Variants in LAMA2 observed in about 807,000 individuals in gnomAD.
The protein encoded by LAMA2 is laminin subunit alpha 2.
LAMA2 carries 269 observed loss-of-function variants against 364.8 expected under a neutral mutation model. That is an observed-to-expected ratio of 0.74 (90% CI 0.67 to 0.82). LAMA2 has a LOEUF of 0.82. Ranked by LOEUF, LAMA2 falls within the 40% of genes least tolerant of loss-of-function variation. The probability of loss-of-function intolerance (pLI) is 0.00; values close to 1 mark genes in which losing one functional copy is unlikely to be tolerated. For synonymous variants in LAMA2, 1,379 were observed against 1,370.6 expected, an observed-to-expected ratio of 1.01 and a Z score of -0.14; for missense variants, 3,807 against 3,873.2, an observed-to-expected ratio of 0.98 and a Z score of 0.45.
intron 12 of LAMA2, among the ~76,000 whole-genome samples, chr6:129,245,763 C>T (rs182807462): frequency 7.6e-4 from 115 of 152,174 alleles, no homozygotes; most frequent in African/African-American, 2.5e-3. Context: ...CTTTAGTCTT[C>T]TTACTAGTCA....
At chr6:129,227,058 C>T (rs947481411) in intron 12 of LAMA2, among the ~76,000 whole-genome samples, 2 of 152,172 alleles carry the variant, frequency 1.3e-5, no homozygotes, top group Admixed American at 6.5e-5. Context: ...CTAAACTTCT[C>T]TTCTCACTTC....
At chr6:129,149,815 A>G (rs1048775750) in intron 7 of LAMA2, among the ~76,000 whole-genome samples, 2 of 152,186 alleles carry the variant, frequency 1.3e-5, no homozygotes, top group Admixed American at 1.3e-4. Flanking sequence ...CCTAAGCAAT[A>G]TAACAACTAT....
At chr6:129,397,938 GAAA>G (rs58131786) in intron 37 of LAMA2, among the ~76,000 whole-genome samples, 75 of 103,500 alleles carry the variant, frequency 7.2e-4, no homozygotes, top group Non-Finnish European at 9.4e-4. Flanking sequence ...CTCCGTCTCA[GAAA>G]AAAAAAAAAA....
At chr6:129,198,621 C>T (rs753969441) in intron 12 of LAMA2, among the ~76,000 whole-genome samples, 16 of 152,064 alleles carry the variant, frequency 1.1e-4, no homozygotes, top group South Asian at 2.1e-4. Context: ...TCAAGCAAAA[C>T]GTGGGTAAAA....
rs182839205 is a variant in LAMA2 at position 129,097,851 on chromosome 6, T to C, written c.397-322T>C. 2.1e-3 allele frequency among the ~76,000 whole-genome samples: 318 copies of C among 152,318 alleles called. 1 individual carries two copies. Among genetic ancestry groups the C allele is most frequent in the African/African-American group, 7.3e-3 (304 of 41,568 alleles). On this transcript the variant is annotated intron_variant, in intron 3 of 64. Transcript: ENST00000421865. ...TAACACAGTAAGGTGAGTAAATTGGTATGTACTATTAATAAATGTTTTAGG... is the reference window on the plus strand; with the variant it reads ...TAACACAGTAAGGTGAGTAAATTGGCATGTACTATTAATAAATGTTTTAGG...
intron 1 of LAMA2, among the ~76,000 whole-genome samples, chr6:129,039,318 G>A (rs1467106887): frequency 1.3e-5 from 2 of 152,154 alleles, no homozygotes; most frequent in Admixed American, 6.5e-5. Context: ...ACAAGATAAT[G>A]TCATCACAAA....
At chr6:129,324,716 C>CA (rs1775169906) in intron 28 of LAMA2, among the ~76,000 whole-genome samples, 2 of 152,222 alleles carry the variant, frequency 1.3e-5, no homozygotes, top group Non-Finnish European at 2.9e-5. Flanking sequence ...ATACAGTAGG[C>CA]AATTGTAACA....
rs59543848 is a variant in LAMA2, at chr6:129,066,038, G to GTATGTCTTTTTTTTTT, written c.396+6143_396+6144insATGTCTTTTTTTTTTT. 1.6e-4 allele frequency among the ~76,000 whole-genome samples: 6 copies of GTATGTCTTTTTTTTTT among 37,108 alleles called. 1 individual carries two copies. The highest frequency in any genetic ancestry group is 3.4e-4 in the African/African-American group (4 of 11,700). The allele number at this position is 37,108 out of a possible 152,430, so 24.3% of individuals were successfully genotyped here. A position where few individuals can be genotyped will look rare whatever the true frequency, so the allele number is the denominator to read the frequency against. On this transcript the variant is annotated intron_variant, in intron 3 of 64. Transcript: ENST00000421865. Reference sequence around the variant, plus strand: ...TCTTTTGTAAATTGCCCAGTCTCAGGTTTTTTTTTTTTTTTTTTTTTTTTT... The same window carrying GTATGTCTTTTTTTTTT: ...TCTTTTGTAAATTGCCCAGTCTCAGGTATGTCTTTTTTTTTTTTTTTTTTTTTTTTTTTTTTTTTTT...
intron 51 of LAMA2, among the ~76,000 whole-genome samples, chr6:129,471,353 C>T (rs1783800283): frequency 6.6e-6 from 1 of 151,916 alleles, no homozygotes; most frequent in Non-Finnish European, 1.5e-5. Flanking sequence ...TGCCAGTTAC[C>T]TTTTGGGCCA....
At chr6:128,894,542 C>G (rs1203546248) in intron 1 of LAMA2, among the ~76,000 whole-genome samples, 1 of 152,106 alleles carries the variant, frequency 6.6e-6, no homozygotes, top group East Asian at 1.9e-4. Flanking sequence ...TTTTGTAGTA[C>G]ATAGGGTATT....
At chr6:129,024,641 C>T (rs1245860989) in intron 1 of LAMA2, among the ~76,000 whole-genome samples, 1 of 152,084 alleles carries the variant, frequency 6.6e-6, no homozygotes, top group Non-Finnish European at 1.5e-5. Flanking sequence ...GGTGATCCTC[C>T]CACCTTGGCC....
At chr6:128,973,540 T>C (rs1176576500) in intron 1 of LAMA2, among the ~76,000 whole-genome samples, 1 of 152,172 alleles carries the variant, frequency 6.6e-6, no homozygotes, top group African/African-American at 2.4e-5. Context: ...ACTATAACAG[T>C]ATTTTTGGCA....
chr6:128,942,480 T>C lies in LAMA2; in HGVS notation c.112+59123T>C, dbSNP rs114017734. 3.8e-3 allele frequency among the ~76,000 whole-genome samples: 583 copies of C among 152,308 alleles called. 4 individuals are homozygous for C. Among genetic ancestry groups the C allele is most frequent in the African/African-American group, 0.013 (561 of 41,574 alleles). ...CAGAAGCCAGAAATGCTGAATAAAT[T>C]AGTGTCCTTTTTATTTACTTTTTAA... On this transcript the variant is annotated intron_variant, in intron 1 of 64. Transcript: ENST00000421865.
chr6:129,390,074 A>G (rs775351207), intron 35 of LAMA2, among the ~76,000 whole-genome samples: 23 of 152,240 alleles, frequency 1.5e-4, no homozygotes, highest in South Asian at 6.2e-4. Context: ...TAAACCAAAG[A>G]CATATATAAC....
chr6:129,122,518 C>T (rs1023966273), intron 4 of LAMA2, among the ~76,000 whole-genome samples: 6 of 152,188 alleles, frequency 3.9e-5, no homozygotes, highest in African/African-American at 1.4e-4. Context: ...CCCTGTATCA[C>T]TAGACAGAAT....
chr6:129,429,436 TAGAA>T (rs1359598999), intron 41 of LAMA2, among the ~76,000 whole-genome samples: 46 of 152,196 alleles, frequency 3.0e-4, no homozygotes, highest in Admixed American at 2.9e-3. Flanking sequence ...TTACTTATCT[TAGAA>T]AGAGAAGAGG....
chr6:129,035,506 TTTAA>T (rs1260545194), intron 1 of LAMA2, among the ~76,000 whole-genome samples: 1 of 148,290 alleles, frequency 6.7e-6, no homozygotes, highest in African/African-American at 2.5e-5. Context: ...CGCCGTTTAG[TTTAA>T]TTAAGTCCCA....
At chr6:129,371,200 G>A (rs1168803738) in intron 34 of LAMA2, among the ~76,000 whole-genome samples, 2 of 151,950 alleles carry the variant, frequency 1.3e-5, no homozygotes, top group Admixed American at 6.6e-5. Flanking sequence ...CGTGTTGGCA[G>A]ATGAAAAATA....
chr6:128,912,114 A>C (rs1333139984), intron 1 of LAMA2, among the ~76,000 whole-genome samples: 1 of 152,334 alleles, frequency 6.6e-6, no homozygotes, highest in South Asian at 2.1e-4. Context: ...GTCATGTACA[A>C]GCTTTTTTAT....
Sources: allele counts gnomAD v4.1 joint callset (sites outside exome capture counted in the v4.1 genomes callset), GRCh38; gene constraint gnomAD v4.1.1; transcripts MANE v1.5; gene names NCBI Gene and HGNC (gene_info 2026-07-23, HGNC 2026-07-21).